The following TRAK1 variants were observed in gnomAD, a reference collection of about 807,000 sequenced individuals.
The protein encoded by TRAK1 is trafficking kinesin protein 1, also known as trafficking kinesin-binding protein 1.
A neutral mutation model predicts 92.1 loss-of-function variants in TRAK1; 33 were observed. The observed-to-expected ratio is 0.36, with a 90% CI of 0.27 to 0.48. The LOEUF (loss-of-function observed/expected upper bound fraction) is 0.48. Among genes scored for constraint, TRAK1 ranks in the 20% least tolerant of loss-of-function variants. The probability of loss-of-function intolerance (pLI) is 0.99; values close to 1 mark genes in which losing one functional copy is unlikely to be tolerated. For missense variants in TRAK1, 1,123 were observed against 1,257.9 expected (o/e 0.89, Z 1.62); for synonymous variants, 521 against 517.3 (o/e 1.01, Z -0.10).
At chr3:42,149,593 T>C in intron 2 of TRAK1, 1 of 1,536,068 alleles carries the variant, frequency 6.5e-7, no homozygotes, top group South Asian at 1.2e-5. Context: ...TGAAGAATGC[T>C]CGGATGGTAA....
In TRAK1 at chr3:42,062,875, G is replaced by T. The variant is rs367728392; in HGVS notation, c.-518-24229G>T. On this transcript the variant is annotated intron_variant, in intron 1 of 16. Transcript: ENST00000487159. ...CCAGGCTCTGCACTGCAGTGAAGGCGTGTTTGTCTTATGAGGGGATGTGCA... is the reference window on the plus strand; with the variant it reads ...CCAGGCTCTGCACTGCAGTGAAGGCTTGTTTGTCTTATGAGGGGATGTGCA... Among the ~76,000 whole-genome samples, 9 of 152,288 alleles carry T rather than the reference G, an allele frequency of 5.9e-5. No individual in the cohort carries two copies. The South Asian group carries it at 1.0e-3, about 18-fold the overall frequency.
chr3:42,094,861 A>G (rs997669390), intron 1 of TRAK1, among the ~76,000 whole-genome samples: 6 of 152,186 alleles, frequency 3.9e-5, no homozygotes, highest in Non-Finnish European at 7.3e-5. Flanking sequence ...GGGAGACCCA[A>G]TGGTATAGTT....
At chr3:42,049,535 G>T (rs952752055) in intron 1 of TRAK1, among the ~76,000 whole-genome samples, 1 of 151,762 alleles carries the variant, frequency 6.6e-6, no homozygotes, top group African/African-American at 2.4e-5. Flanking sequence ...TTCTAGGAAG[G>T]TTTCTTGTAT....
At chr3:42,055,844 A>G (rs1020323616) in intron 1 of TRAK1, among the ~76,000 whole-genome samples, 13 of 150,134 alleles carry the variant, frequency 8.7e-5, no homozygotes, top group Middle Eastern at 3.2e-3. Context: ...ATTTCCCCCA[A>G]TCCTCTAGCC....
chr3:42,182,394 G>A (rs1258797788), intron 3 of TRAK1, among the ~76,000 whole-genome samples: 1 of 151,820 alleles, frequency 6.6e-6, no homozygotes, highest in Non-Finnish European at 1.5e-5. Flanking sequence ...CTGGGTTCAA[G>A]TGATTCTCCT....
At chr3:42,191,049 G>A (rs1705653695) in intron 6 of TRAK1, among the ~76,000 whole-genome samples, 1 of 152,054 alleles carries the variant, frequency 6.6e-6, no homozygotes, top group South Asian at 2.1e-4. Flanking sequence ...CTTTTGTGTT[G>A]GACCTTGTTC....
At chr3:42,116,191 C>T (rs189557204) in intron 1 of TRAK1, among the ~76,000 whole-genome samples, 6 of 152,330 alleles carry the variant, frequency 3.9e-5, no homozygotes, top group Admixed American at 2.6e-4. Context: ...TGGGACCTGC[C>T]GCAGGCCAAG....
intron 1 of TRAK1, among the ~76,000 whole-genome samples, chr3:42,098,813 A>G (rs1706318770): frequency 6.6e-6 from 1 of 152,188 alleles, no homozygotes; most frequent in African/African-American, 2.4e-5. Context: ...CAGGGAGAGC[A>G]AGATGGACAG....
At position 42,219,520 on chromosome 3, in the gene TRAK1, C is replaced by CAGACCA; in HGVS notation, c.1992_1997dup (p.Thr665_Asn666insLysThr). Reference sequence around the variant, plus strand: ...GCACCATCCTGGGAAGTGCATGTCTCAGACCAACTCCACCTTCACCTTCAC... The same window carrying CAGACCA: ...GCACCATCCTGGGAAGTGCATGTCTCAGACCAAGACCAACTCCACCTTCACCTTCAC... On this transcript the variant is annotated inframe_insertion, in exon 15 of 16. Transcript: ENST00000327628. The CAGACCA allele has an allele frequency of 6.2e-7, 1 of 1,613,496 alleles. No homozygotes were observed. Among genetic ancestry groups the CAGACCA allele is most frequent in the Non-Finnish European group, 8.5e-7 (1 of 1,179,682 alleles).
At chr3:42,193,048 C>T (rs373937349) in intron 7 of TRAK1, 27 bp from the exon 8 acceptor site, 5 of 1,612,204 alleles carry the variant, frequency 3.1e-6, no homozygotes, top group Non-Finnish European at 4.2e-6. Flanking sequence ...CTGACTTCCT[C>T]TCCTGATTGT....
intron 1 of TRAK1, chr3:42,051,257 GGCC>G (rs1232440389): frequency 6.6e-6 from 1 of 152,238 alleles, no homozygotes; most frequent in African/African-American, 2.4e-5. Flanking sequence ...TTGGGTTTGT[GGCC>G]CAGGGCATTG....
At chr3:42,083,879 T>C (rs57946975), upstream of TRAK1, among the ~76,000 whole-genome samples, 10,869 of 151,656 alleles carry the variant, frequency 0.072, 457 homozygotes, top group Middle Eastern at 0.18. Flanking sequence ...TTTAAAAAAA[T>C]AAATAAATAA....
rs371556467 is a variant in TRAK1 at position 42,172,008 on chromosome 3, A to G, written c.287-4806A>G. Among the ~76,000 whole-genome samples, 75 of 152,160 alleles carry G rather than the reference A, an allele frequency of 4.9e-4. 2 individuals carry two copies. In the South Asian group the frequency reaches 0.016, roughly 32 times the overall value. On this transcript the variant is annotated intron_variant, in intron 2 of 15. Transcript: ENST00000327628. The stretch of plus-strand genomic sequence containing the variant: ...CCATTAGCTGTGACAGCCCAGTCAT[A>G]TGTCTCCCTCTCTCTGATCAGCCAG...
intron 7 of TRAK1, 114 bp downstream of exon 7, chr3:42,191,750 T>C: frequency 8.3e-7 from 1 of 1,199,812 alleles, no homozygotes; most frequent in Non-Finnish European, 1.2e-6. Flanking sequence ...CTCAGCAGCA[T>C]TTTTCTTAAA....
rs567899405 is a variant in TRAK1, at chr3:42,198,008, T to G, written c.1114-1169T>G. Among the ~76,000 whole-genome samples, 11 of 152,354 alleles carry G rather than the reference T, an allele frequency of 7.2e-5. No individual in the cohort carries two copies. The South Asian group carries it at 2.3e-3, about 32-fold the overall frequency. On this transcript the variant is annotated intron_variant, in intron 10 of 15. Coordinates refer to ENST00000327628, the MANE Select transcript of TRAK1 (RefSeq NM_001042646.3). ...CACTAGCCACCCCTGGCTGGTGGTT[T>G]CCACATGTACATATGTCCCAGCACA... is the stretch of plus-strand genomic sequence containing the variant.
chr3:42,113,658 A>G (rs1708787988), intron 1 of TRAK1, among the ~76,000 whole-genome samples: 3 of 151,920 alleles, frequency 2.0e-5, no homozygotes, highest in Non-Finnish European at 4.4e-5. Flanking sequence ...CAGGTGATCC[A>G]CCGACCTCAG....
chr3:42,022,751 T>C (rs1448077708), intron 1 of TRAK1, among the ~76,000 whole-genome samples: 1 of 136,594 alleles, frequency 7.3e-6, no homozygotes, highest in Non-Finnish European at 1.6e-5. Context: ...CAAAAAACTT[T>C]TGTACAAGAG....
Position 42,151,384 on chromosome 3 carries a change from C to T in TRAK1, c.287-25430C>T, listed in dbSNP as rs535454760. On this transcript the variant is annotated intron_variant, in intron 2 of 15. Transcript: ENST00000327628. ...CCCTGAGAGACCCTGATCTGTCTTC[C>T]TCTAAGAGCAAAGGAAAATAGAAGA... 1.5e-4 allele frequency: 67 copies of T among 456,558 alleles called. No individual in the cohort carries two copies. In the East Asian group the frequency reaches 4.4e-3, roughly 30 times the overall value. 28.3% of individuals were successfully genotyped at this position (456,558 alleles called of 1,614,324 possible).
At chr3:42,113,225 A>G (rs1174970340) in intron 1 of TRAK1, among the ~76,000 whole-genome samples, 1 of 152,246 alleles carries the variant, frequency 6.6e-6, no homozygotes, top group Non-Finnish European at 1.5e-5. Flanking sequence ...CCTAGGTGAC[A>G]GAATGAGACC....
Sources: gnomAD v4.1 joint callset for allele counts (sites outside exome capture counted in the v4.1 genomes callset) on GRCh38, gnomAD v4.1.1 for gene constraint, MANE v1.5 for transcripts, NCBI Gene and HGNC (gene_info 2026-07-23, HGNC 2026-07-21) for gene names.